RHEB: variants seen among roughly 807,000 people sequenced by gnomAD.
The protein encoded by RHEB is Ras homolog, mTORC1 binding, also known as GTP-binding protein Rheb.
RHEB carries 2 observed loss-of-function variants against 28.8 expected under a neutral mutation model. The observed-to-expected ratio is 0.07, with a 90% CI of 0.03 to 0.22. The LOEUF (loss-of-function observed/expected upper bound fraction) is 0.22. Among genes scored for constraint, RHEB ranks in the 10% least tolerant of loss-of-function variants. The pLI, the probability that RHEB is intolerant of heterozygous loss-of-function variation, is 1.00. For synonymous variants in RHEB, 69 were observed against 77.3 expected, an observed-to-expected ratio of 0.89 and a Z score of 0.56; for missense variants, 76 against 219.9, an observed-to-expected ratio of 0.35 and a Z score of 4.14.
At chr7:151,493,506 G>A (rs1802621823) in intron 1 of RHEB, among the ~76,000 whole-genome samples, 1 of 152,150 alleles carries the variant, frequency 6.6e-6, no homozygotes, top group Non-Finnish European at 1.5e-5. Flanking sequence ...CCAGCACAGG[G>A]CCAGCCGACA....
At chr7:151,491,527 G>C (rs1026867604) in intron 1 of RHEB, among the ~76,000 whole-genome samples, 2 of 152,208 alleles carry the variant, frequency 1.3e-5, no homozygotes, top group Admixed American at 6.5e-5. Flanking sequence ...CCTGAGGTCA[G>C]GAGTTTGAGA....
chr7:151,506,187 ACT>A (rs2150936541), intron 1 of RHEB, among the ~76,000 whole-genome samples: 1 of 150,266 alleles, frequency 6.7e-6, no homozygotes, highest in African/African-American at 2.4e-5. Flanking sequence ...TAATGCATTT[ACT>A]TTTTTTTTTT....
chr7:151,509,514 G>A (rs562566402), intron 1 of RHEB, among the ~76,000 whole-genome samples: 116 of 152,252 alleles, frequency 7.6e-4, no homozygotes, highest in Middle Eastern at 3.4e-3. Flanking sequence ...CTTCCACATT[G>A]GTCTTGCCCA....
At chr7:151,495,085 C>T (rs1398974465) in intron 1 of RHEB, among the ~76,000 whole-genome samples, 1 of 152,160 alleles carries the variant, frequency 6.6e-6, no homozygotes, top group Non-Finnish European at 1.5e-5. Flanking sequence ...ACTGTGATCA[C>T]CTTTAACCTT....
chr7:151,496,116 C>T lies in RHEB; in HGVS notation c.53-5102G>A, dbSNP rs146999948. 2.8e-4 allele frequency among the ~76,000 whole-genome samples: 43 copies of T among 152,344 alleles called. No homozygotes were observed. In the East Asian group the frequency reaches 4.8e-3, roughly 17 times the overall value. On this transcript the variant is annotated intron_variant, in intron 1 of 7. Transcript: ENST00000262187. ...ATCTAGGACACAACCCATTCCAGGG[C>T]TGCTTTCACCACCTCAAATTCACAA...
Position 151,470,578 on chromosome 7 carries a change from T to G in RHEB, c.455A>C (p.Glu152Ala). The part of the protein sequence containing the change: ...NAAFLESSAK[E>A]NQTAVDVFRR... ...GTTTATAGAATCTGTTACCTGATTT[T>G]CTTTAGCAGAAGATTCCAAAAAAGC... is the stretch of plus-strand genomic sequence containing the variant. The change falls in exon 7 of 8, where the codon GAA becomes GCA. Residue 152 changes from glutamate (E) to alanine (A), a missense_variant. By Grantham distance (107) the Glu-to-Ala change is moderately radical. Coordinates refer to ENST00000262187, the MANE Select transcript of RHEB (RefSeq NM_005614.4). 6.2e-7 allele frequency: 1 copy of G among 1,609,526 alleles called. No homozygotes were observed. Among genetic ancestry groups the G allele is most frequent in the Non-Finnish European group, 8.5e-7 (1 of 1,175,888 alleles).
chr7:151,471,371 T>C (rs371011628), intron 6 of RHEB, 23 bp downstream of exon 6: 58 of 1,426,874 alleles, frequency 4.1e-5, no homozygotes, highest in African/African-American at 2.0e-4. Flanking sequence ...CATCTTAGAT[T>C]TGACTTTATA....
intron 3 of RHEB, among the ~76,000 whole-genome samples, chr7:151,483,762 C>A (rs1802419820): frequency 6.6e-6 from 1 of 152,180 alleles, no homozygotes; most frequent in African/African-American, 2.4e-5. Flanking sequence ...AGCTTCTTTA[C>A]ATTCCTCACC....
intron 3 of RHEB, among the ~76,000 whole-genome samples, chr7:151,478,554 A>G (rs966092490): frequency 1.3e-5 from 2 of 152,318 alleles, no homozygotes; most frequent in Non-Finnish European, 2.9e-5. Flanking sequence ...ACATAGAAAA[A>G]AGAAGTTATG....
At chr7:151,483,259 T>C (rs906921229) in intron 3 of RHEB, among the ~76,000 whole-genome samples, 1 of 152,234 alleles carries the variant, frequency 6.6e-6, no homozygotes, top group Non-Finnish European at 1.5e-5. Flanking sequence ...CTATGTTTAC[T>C]TCAAAATGCA....
chr7:151,502,250 A>G (rs1476026143), intron 1 of RHEB: 1 of 507,794 alleles, frequency 2.0e-6, no homozygotes, highest in South Asian at 2.5e-5. Context: ...AAAAAAAAGG[A>G]GCTTGGAGGC....
chr7:151,493,708 T>C (rs1318802594), intron 1 of RHEB, among the ~76,000 whole-genome samples: 3 of 152,204 alleles, frequency 2.0e-5, no homozygotes, highest in East Asian at 3.8e-4. Flanking sequence ...TTGCCTGTGA[T>C]ATAGGAATAC....
intron 1 of RHEB, among the ~76,000 whole-genome samples, chr7:151,501,084 G>A (rs1351194188): frequency 1.3e-5 from 2 of 152,198 alleles, no homozygotes; most frequent in African/African-American, 4.8e-5. Context: ...TGAAGATTCT[G>A]AGGTATAAAA....
rs1006868962 is a variant in RHEB, at chr7:151,519,717, G to C, written c.-206C>G. The C allele has an allele frequency of 1.9e-5, 7 of 361,428 alleles. No individual in the cohort carries two copies. Among genetic ancestry groups the C allele is most frequent in the Non-Finnish European group, 3.4e-5 (7 of 204,106 alleles). 22.4% of individuals were successfully genotyped at this position (361,428 alleles called of 1,614,324 possible). A position where few individuals can be genotyped will look rare whatever the true frequency, so the allele number is the denominator to read the frequency against. On this transcript the variant is annotated 5_prime_UTR_variant, in exon 1 of 8. Coordinates refer to ENST00000262187, the MANE Select transcript of RHEB (RefSeq NM_005614.4). ...GCGGCGCCCCTCCCCCCCACAACACGCCCACGTGACCGGCCGGCGTCAGCA... is the reference window on the plus strand; with the variant it reads ...GCGGCGCCCCTCCCCCCCACAACACCCCCACGTGACCGGCCGGCGTCAGCA...
chr7:151,504,867 C>CA lies in RHEB; in HGVS notation c.53-13854dup, dbSNP rs554648802. Among the ~76,000 whole-genome samples the CA allele has an allele frequency of 9.8e-3, 1,353 of 138,554 alleles. 19 individuals carry two copies. Among genetic ancestry groups the CA allele is most frequent in the African/African-American group, 0.026 (991 of 37,826 alleles). 90.9% of individuals were successfully genotyped at this position (138,554 alleles called of 152,430 possible). ...TGCCAAAACCTGTTGAATGCTACCT[C>CA]AAAAAAAAAAAAGAAATTTTCTCAA... On this transcript the variant is annotated intron_variant, in intron 1 of 7. Transcript: ENST00000262187.
At chr7:151,490,903 A>G (rs1294340433) in intron 2 of RHEB, 40 bp downstream of exon 2, 3 of 1,425,932 alleles carry the variant, frequency 2.1e-6, no homozygotes, top group Non-Finnish European at 3.0e-6. Context: ...TACACAAAAG[A>G]AGGCTTCTCA....
chr7:151,502,182 G>T, intron 1 of RHEB: 1 of 446,722 alleles, frequency 2.2e-6, no homozygotes, highest in Non-Finnish European at 4.0e-6. Context: ...GTGGCAGTGA[G>T]GCAAGATCAC....
intron 1 of RHEB, among the ~76,000 whole-genome samples, chr7:151,495,552 A>G (rs1371293255): frequency 6.6e-6 from 1 of 152,210 alleles, no homozygotes; most frequent in Non-Finnish European, 1.5e-5. Flanking sequence ...AGGGGTGTTG[A>G]CTCAATCTTA....
At chr7:151,500,300 G>GAAAAAATTAAT (rs1802751399) in intron 1 of RHEB, among the ~76,000 whole-genome samples, 1 of 151,910 alleles carries the variant, frequency 6.6e-6, no homozygotes, top group Non-Finnish European at 1.5e-5. Flanking sequence ...CAAAAAAAAG[G>GAAAAAATTAAT]AAAAAATTAA....
Sources: allele counts gnomAD v4.1 joint callset (sites outside exome capture counted in the v4.1 genomes callset), GRCh38; gene constraint gnomAD v4.1.1; transcripts MANE v1.5; gene names NCBI Gene and HGNC (gene_info 2026-07-23, HGNC 2026-07-21).